Variants in OR1B1 observed in about 807,000 individuals in gnomAD.
OR1B1 encodes the protein olfactory receptor family 1 subfamily B member 1.
For synonymous variants in OR1B1, 168 were observed against 156.2 expected (o/e 1.08, Z -0.57); for missense variants, 414 against 402.1 (o/e 1.03, Z -0.25).
chr9:122,648,972 G>A, the OR1B1 span, among the ~76,000 whole-genome samples: 3 of 152,148 alleles, frequency 2.0e-5, no homozygotes, highest in Non-Finnish European at 4.4e-5. Flanking sequence ...AACAAAGCTG[G>A]AGGCATTATG....
exon 1 of OR1B1, chr9:122,629,573 A>G (rs1440731664): frequency 7.7e-7 from 1 of 1,306,950 alleles, no homozygotes; most frequent in East Asian, 2.3e-5. Context: ...AGTTTAAGTC[A>G]AAAAGAAAGT....
At chr9:122,635,791 A>C in the OR1B1 span, among the ~76,000 whole-genome samples, 179 of 152,278 alleles carry the variant, frequency 1.2e-3, no homozygotes, top group African/African-American at 4.1e-3. Context: ...AAACAAGATA[A>C]ATTTTTTAAA....
the OR1B1 span, among the ~76,000 whole-genome samples, chr9:122,647,980 A>G: frequency 0.13 from 20,402 of 152,116 alleles, 4,038 homozygotes; most frequent in African/African-American, 0.43. Flanking sequence ...TTCTCCTTAT[A>G]TGCTTTGTTT....
At chr9:122,656,272 C>T in the OR1B1 span, among the ~76,000 whole-genome samples, 1 of 152,120 alleles carries the variant, frequency 6.6e-6, no homozygotes, top group South Asian at 2.1e-4. Context: ...AGATATTATA[C>T]ATAGACAAAG....
chr9:122,645,394 C>T, the OR1B1 span, among the ~76,000 whole-genome samples: 2 of 152,034 alleles, frequency 1.3e-5, no homozygotes, highest in African/African-American at 2.4e-5. Context: ...CAGAGAACTT[C>T]ACAAACCTAG....
chr9:122,648,068 C>T, the OR1B1 span, among the ~76,000 whole-genome samples: 1 of 151,966 alleles, frequency 6.6e-6, no homozygotes, highest in Non-Finnish European at 1.5e-5. Context: ...AAAAAAAATA[C>T]AGATCAATGT....
At chr9:122,654,530 T>G in the OR1B1 span, among the ~76,000 whole-genome samples, 1 of 152,238 alleles carries the variant, frequency 6.6e-6, no homozygotes, top group Non-Finnish European at 1.5e-5. Flanking sequence ...TATACCAAAT[T>G]TCCCATTGTC....
At chr9:122,629,437 G>T (rs759795043) in exon 1 of OR1B1, 7 of 1,613,844 alleles carry the variant, frequency 4.3e-6, no homozygotes, top group Non-Finnish European at 5.1e-6. Context: ...AAATAGCCAG[G>T]AACAGGAAGA....
chr9:122,644,261 A>T, the OR1B1 span, among the ~76,000 whole-genome samples: 1 of 152,160 alleles, frequency 6.6e-6, no homozygotes, highest in African/African-American at 2.4e-5. Flanking sequence ...GCCTAGCAGC[A>T]TTCACCACAA....
At chr9:122,643,391 T>C in the OR1B1 span, among the ~76,000 whole-genome samples, 1,272 of 152,298 alleles carry the variant, frequency 8.4e-3, 16 homozygotes, top group Non-Finnish European at 0.012. Flanking sequence ...ACTCAGCTAG[T>C]ACCTGCACAG....
At chr9:122,653,370 T>G in the OR1B1 span, among the ~76,000 whole-genome samples, 1 of 152,330 alleles carries the variant, frequency 6.6e-6, no homozygotes, top group South Asian at 2.1e-4. Context: ...AACTGTGTGA[T>G]CTTTGGAAAA....
chr9:122,646,316 A>G, the OR1B1 span, among the ~76,000 whole-genome samples: 7 of 152,086 alleles, frequency 4.6e-5, no homozygotes, highest in Non-Finnish European at 1.5e-5. Flanking sequence ...CCAGAAAACA[A>G]ATTTTAAAAT....
chr9:122,629,504 G>A, exon 1 of OR1B1: 4 of 1,611,304 alleles, frequency 2.5e-6, no homozygotes, highest in Non-Finnish European at 3.4e-6. Context: ...AAAAACCGGA[G>A]AGTGTGAAGC....
the OR1B1 span, among the ~76,000 whole-genome samples, chr9:122,647,083 A>G: frequency 6.6e-5 from 10 of 152,326 alleles, no homozygotes; most frequent in Middle Eastern, 3.4e-3. Context: ...TCTGCACTAT[A>G]AAACAAATTG....
At chr9:122,646,975 T>G in the OR1B1 span, among the ~76,000 whole-genome samples, 12 of 152,204 alleles carry the variant, frequency 7.9e-5, no homozygotes, top group Admixed American at 3.3e-4. Flanking sequence ...CGTGTTAGTT[T>G]GTTTATGCAA....
chr9:122,629,589 G>A (rs1055375838), upstream of OR1B1: 229 of 1,113,028 alleles, frequency 2.1e-4, 1 homozygote, highest in Admixed American at 4.9e-3. Context: ...AAAGTCATGG[G>A]TCTGATGTTA....
the OR1B1 span, among the ~76,000 whole-genome samples, chr9:122,640,991 TATA>T: frequency 2.0e-5 from 3 of 152,188 alleles, no homozygotes; most frequent in African/African-American, 4.8e-5. Context: ...TGCAAAACAG[TATA>T]ATAAGTGATA....
the OR1B1 span, among the ~76,000 whole-genome samples, chr9:122,640,455 A>T: frequency 6.6e-6 from 1 of 152,132 alleles, no homozygotes; most frequent in Non-Finnish European, 1.5e-5. Flanking sequence ...AGGGCTAATA[A>T]TATAGTCGAA....
chr9:122,630,239 C>CA (rs1047812820), upstream of OR1B1, among the ~76,000 whole-genome samples: 25 of 152,246 alleles, frequency 1.6e-4, no homozygotes, highest in South Asian at 1.5e-3. Context: ...AAGACCCCAC[C>CA]AAAAAACTCT....
Sources: allele counts gnomAD v4.1 joint callset (sites outside exome capture counted in the v4.1 genomes callset), GRCh38; gene constraint gnomAD v4.1.1; transcripts MANE v1.5; gene names NCBI Gene and HGNC (gene_info 2026-07-23, HGNC 2026-07-21).